The following ABCA4 variants were observed in gnomAD, a reference collection of about 807,000 sequenced individuals.
ABCA4 encodes the protein retinal-specific phospholipid-transporting ATPase ABCA4.
In ABCA4, 196 loss-of-function variants were observed where a neutral mutation model predicts 263.7. The observed-to-expected ratio is 0.74, with a 90% confidence interval of 0.66 to 0.84. The LOEUF (loss-of-function observed/expected upper bound fraction) is 0.84. Among genes scored for constraint, ABCA4 ranks in the 40% least tolerant of loss-of-function variants. ABCA4 has a pLI of 0.00. For missense variants in ABCA4, 2,792 were observed against 2,855.1 expected (o/e 0.98, Z 0.50); for synonymous variants, 1,133 against 1,094.2 (o/e 1.04, Z -0.70).
intron 11 of ABCA4, among the ~76,000 whole-genome samples, chr1:94,076,325 G>A (rs1430484475): frequency 6.6e-6 from 1 of 152,182 alleles, no homozygotes; most frequent in Non-Finnish European, 1.5e-5. Flanking sequence ...TAGGGCATCA[G>A]CAGAGGAGAG....
intron 2 of ABCA4, 136 bp from the exon 3 acceptor site, chr1:94,111,715 G>T (rs538745579): frequency 6.4e-6 from 7 of 1,091,658 alleles, no homozygotes; most frequent in Non-Finnish European, 9.6e-6. Flanking sequence ...TTAAGAAGCA[G>T]GAGCATCTCA....
intron 44 of ABCA4, 115 bp downstream of exon 44, chr1:94,005,326 G>T: frequency 1.5e-6 from 2 of 1,355,212 alleles, no homozygotes; most frequent in Admixed American, 1.7e-5. Context: ...AACATTTGTT[G>T]GAATGAATGA....
In ABCA4 at chr1:94,075,961, A is replaced by G. The variant is rs1042713269; in HGVS notation, c.1554+1729T>C. ...GAGGGCCAGGAAGCACAGAGGAGTG[A>G]ATGACTAAACCTCCATCAAAGCAGA... On this transcript the variant is annotated intron_variant, in intron 11 of 49. Coordinates refer to ENST00000370225, the MANE Select transcript of ABCA4 (RefSeq NM_000350.3). 2.0e-5 allele frequency among the ~76,000 whole-genome samples: 3 copies of G among 152,338 alleles called. No individual in the cohort carries two copies. The East Asian group carries it at 5.8e-4, about 29-fold the overall frequency.
rs1368781814 is a variant in ABCA4, at chr1:94,111,415, ATGG to A, written c.302+20_302+22del. 13 of 1,613,278 alleles carry A rather than the reference ATGG, an allele frequency of 8.1e-6. No individual in the cohort carries two copies. Among genetic ancestry groups the A allele is most frequent in the Non-Finnish European group, 1.1e-5 (13 of 1,179,634 alleles). On this transcript the variant is annotated intron_variant, in intron 3 of 49. Coordinates refer to ENST00000370225, the MANE Select transcript of ABCA4 (RefSeq NM_000350.3). ...AGGGGTGTGCAACTTCCTCCCCTGC[ATGG>A]TAGGGATCTCAACACTTACATGGAG...
At chr1:94,047,740 G>A (rs1165162521) in intron 18 of ABCA4, among the ~76,000 whole-genome samples, 2 of 152,026 alleles carry the variant, frequency 1.3e-5, no homozygotes, top group Admixed American at 1.3e-4. Flanking sequence ...TTTTCCAATA[G>A]GTGGGTAGGG....
chr1:94,006,721 G>A (rs1467145359), intron 43 of ABCA4, among the ~76,000 whole-genome samples: 1 of 152,330 alleles, frequency 6.6e-6, no homozygotes, highest in African/African-American at 2.4e-5. Flanking sequence ...AGTGAAGCGT[G>A]CTCAGGACTC....
At position 94,044,692 on chromosome 1, in the gene ABCA4, C is replaced by T. The variant is rs61749455; in HGVS notation, c.2971G>A (p.Gly991Arg). 7 of 1,614,056 alleles carry T rather than the reference C, an allele frequency of 4.3e-6. No homozygotes were observed. Among genetic ancestry groups the T allele is most frequent in the Admixed American group, 3.3e-5 (2 of 60,008 alleles). Residue 991 changes from glycine (G) to arginine (R), a missense_variant, in exon 20 of 50, where the codon GGA becomes AGA. Transcript: ENST00000370225. ...TCCAGGCTGGTTTCAATGTCCCTTC[C>T]CCCAACGAGCACAGTCCCAGAGGTT... The part of the protein sequence containing the change: ...PPTSGTVLVG[G>R]RDIETSLDAV...
chr1:94,015,944 C>G lies in ABCA4; in HGVS notation c.5197-90G>C, dbSNP rs1571254236. On this transcript the variant is annotated intron_variant, in intron 36 of 49. Transcript: ENST00000370225. ...GAGGGGTGGGGCCAGGCTCCTCCAGCTCGTAGGGTCTGGGATTCTGATTCG... is the reference window on the plus strand; with the variant it reads ...GAGGGGTGGGGCCAGGCTCCTCCAGGTCGTAGGGTCTGGGATTCTGATTCG... The G allele has an allele frequency of 4.6e-6, 5 of 1,086,834 alleles. No homozygotes were observed. The East Asian group carries it at 1.0e-4, about 22-fold the overall frequency. 67.3% of individuals were successfully genotyped at this position (1,086,834 alleles called of 1,614,324 possible).
intron 6 of ABCA4, among the ~76,000 whole-genome samples, chr1:94,096,356 C>A (rs1359154818): frequency 6.6e-6 from 1 of 152,158 alleles, no homozygotes; most frequent in East Asian, 1.9e-4. Flanking sequence ...TTCTAGGCTG[C>A]ACTGCTGTGA....
chr1:94,114,505 G>C (rs1038772700), intron 1 of ABCA4, among the ~76,000 whole-genome samples: 8 of 149,888 alleles, frequency 5.3e-5, no homozygotes, highest in African/African-American at 1.5e-4. Flanking sequence ...TTTTCTTTTT[G>C]AGACGGAGTC....
At chr1:94,036,689 AC>A in intron 26 of ABCA4, 50 bp downstream of exon 26, 1 of 1,590,372 alleles carries the variant, frequency 6.3e-7, no homozygotes. Context: ...TCGAGATGGA[AC>A]TTGGGAGGGA....
chr1:94,040,440 C>A (rs1025643780), intron 23 of ABCA4, among the ~76,000 whole-genome samples: 1 of 152,058 alleles, frequency 6.6e-6, no homozygotes, highest in Non-Finnish European at 1.5e-5. Context: ...CCTCCCTCCC[C>A]GTGGATGGAC....
At chr1:94,076,707 G>C (rs1661546182) in intron 11 of ABCA4, among the ~76,000 whole-genome samples, 1 of 152,188 alleles carries the variant, frequency 6.6e-6, no homozygotes, top group African/African-American at 2.4e-5. Context: ...ACGTAAGCAG[G>C]TGTGCGGAAT....
At position 94,112,956 on chromosome 1, in the gene ABCA4, T is replaced by C. The variant is rs766979763; in HGVS notation, c.160+17A>G. On this transcript the variant is annotated intron_variant, in intron 2 of 49. Coordinates refer to ENST00000370225, the MANE Select transcript of ABCA4 (RefSeq NM_000350.3). ...AAGTCTCTTCAGGGCTTGCCCAAGCTACCCTGCTATGCTTACATTCATGAT... is the reference window on the plus strand; with the variant it reads ...AAGTCTCTTCAGGGCTTGCCCAAGCCACCCTGCTATGCTTACATTCATGAT... 1.2e-6 allele frequency: 2 copies of C among 1,604,886 alleles called. No individual in the cohort carries two copies. Among genetic ancestry groups the C allele is most frequent in the South Asian group, 1.1e-5 (1 of 90,890 alleles).
Position 93,993,176 on chromosome 1 carries a change from C to T in ABCA4, c.*61G>A, listed in dbSNP as rs766623453. On this transcript the variant is annotated 3_prime_UTR_variant, in exon 50 of 50. Transcript: ENST00000370225. ...ATTTGGATGACCATATGGGCACAGGCTCCTGCGCCTCCAGCTGCCCAGAGT... is the reference window on the plus strand; with the variant it reads ...ATTTGGATGACCATATGGGCACAGGTTCCTGCGCCTCCAGCTGCCCAGAGT... The T allele has an allele frequency of 1.2e-6, 2 of 1,611,848 alleles. No homozygotes were observed. Among genetic ancestry groups the T allele is most frequent in the African/African-American group, 1.3e-5 (1 of 74,850 alleles).
chr1:93,999,683 G>T (rs1180886439), intron 47 of ABCA4, among the ~76,000 whole-genome samples: 1 of 152,142 alleles, frequency 6.6e-6, no homozygotes, highest in Non-Finnish European at 1.5e-5. Context: ...ACAGTCTAGG[G>T]CTGTTCTCCT....
chr1:94,016,395 G>A (rs11809593), intron 36 of ABCA4, among the ~76,000 whole-genome samples: 3,492 of 152,230 alleles, frequency 0.023, 138 homozygotes, highest in African/African-American at 0.08. Context: ...AGGCCTCAAC[G>A]GGATGAGAAA....
intron 6 of ABCA4, among the ~76,000 whole-genome samples, chr1:94,089,674 C>G (rs1661921990): frequency 1.3e-5 from 2 of 152,022 alleles, no homozygotes; most frequent in South Asian, 4.2e-4. Context: ...GTTGGCCAGG[C>G]TGATCTTGAA....
chr1:94,041,695 A>G (rs1448955811), intron 22 of ABCA4, among the ~76,000 whole-genome samples: 1 of 152,212 alleles, frequency 6.6e-6, no homozygotes, highest in Non-Finnish European at 1.5e-5. Flanking sequence ...TATGGTCAGC[A>G]TCTAGGGAGT....
Sources: gnomAD v4.1 joint callset for allele counts (sites outside exome capture counted in the v4.1 genomes callset) on GRCh38, gnomAD v4.1.1 for gene constraint, MANE v1.5 for transcripts, NCBI Gene and HGNC (gene_info 2026-07-23, HGNC 2026-07-21) for gene names.